Variants in MBTD1 observed in about 807,000 individuals in gnomAD.
The protein encoded by MBTD1 is mbt domain containing 1, also known as MBT domain-containing protein 1.
MBTD1 carries 24 observed loss-of-function variants against 87.8 expected under a neutral mutation model. That is an observed-to-expected ratio of 0.27 (90% CI 0.20 to 0.38). The LOEUF is 0.38. Among genes scored for constraint, MBTD1 ranks in the 10% least tolerant of loss-of-function variants. The probability of loss-of-function intolerance (pLI) is 1.00; values close to 1 mark genes in which losing one functional copy is unlikely to be tolerated. For synonymous variants in MBTD1, 237 were observed against 248.6 expected (o/e 0.95, Z 0.44); for missense variants, 436 against 760.2 (o/e 0.57, Z 5.02).
chr17:51,238,075 T>C (rs548439903), intron 2 of MBTD1, among the ~76,000 whole-genome samples: 167 of 152,258 alleles, frequency 1.1e-3, no homozygotes, highest in Non-Finnish European at 2.0e-3. Flanking sequence ...GATCAGTAAT[T>C]ACCTGGGGAT....
intron 16 of MBTD1, among the ~76,000 whole-genome samples, chr17:51,188,821 G>T (rs1309279890): frequency 6.8e-6 from 1 of 147,252 alleles, no homozygotes; most frequent in Non-Finnish European, 1.5e-5. Context: ...GTGCAATGGC[G>T]CGATCTCGGC....
intron 12 of MBTD1, among the ~76,000 whole-genome samples, chr17:51,199,452 T>A (rs184317723): frequency 4.6e-4 from 70 of 150,824 alleles, no homozygotes; most frequent in East Asian, 9.8e-4. Flanking sequence ...TTTAAAAAAA[T>A]TTTTTTTTTG....
chr17:51,228,505 AC>A (rs1190875135), intron 2 of MBTD1, among the ~76,000 whole-genome samples: 8 of 151,050 alleles, frequency 5.3e-5, no homozygotes, highest in Non-Finnish European at 8.9e-5. Flanking sequence ...AAAAAAAAAA[AC>A]AAGACAAAAC....
rs1568135782 is a variant in MBTD1, at chr17:51,179,500, A to ATATATATTTATATATATATATT, written c.*1075_*1076insAATATATATATATAAATATATA. On this transcript the variant is annotated 3_prime_UTR_variant, in exon 17 of 17. Coordinates refer to ENST00000586178, the MANE Select transcript of MBTD1 (RefSeq NM_017643.3). The stretch of plus-strand genomic sequence containing the variant: ...AAGACAATTTTATATATATATATAT[A>ATATATATTTATATATATATATT]TATATATATATATATATATATATAT... The ATATATATTTATATATATATATT allele has an allele frequency of 1.7e-5, 1 of 58,530 alleles. No individual in the cohort carries two copies. The highest frequency in any genetic ancestry group is 3.3e-5 in the Non-Finnish European group (1 of 30,222). The allele number at this position is 58,530 out of a possible 1,614,324, so 3.6% of individuals were successfully genotyped here.
intron 6 of MBTD1, among the ~76,000 whole-genome samples, chr17:51,216,440 T>C (rs1019217323): frequency 2.1e-4 from 32 of 152,190 alleles, no homozygotes; most frequent in Admixed American, 1.4e-3. Flanking sequence ...AGATAAATTT[T>C]AAACATAATT....
intron 13 of MBTD1, 109 bp downstream of exon 13, chr17:51,195,105 C>T (rs1386642160): frequency 1.1e-6 from 1 of 896,092 alleles, no homozygotes; most frequent in Non-Finnish European, 1.7e-6. Context: ...TATCCACACA[C>T]ATTATATACG....
intron 9 of MBTD1, 74 bp downstream of exon 9, chr17:51,203,066 C>T (rs2051586454): frequency 3.8e-6 from 5 of 1,331,842 alleles, no homozygotes; most frequent in Non-Finnish European, 5.3e-6. Context: ...AAAATTAAAC[C>T]AATTCCTTAA....
rs1555673641 is a variant in MBTD1, at chr17:51,179,482, T to TATATATATATA, written c.*1093_*1094insTATATATATAT. ...AAATCCTGAATACAATTAAAGACAA[T>TATATATATATA]TTTATATATATATATATATATATAT... On this transcript the variant is annotated 3_prime_UTR_variant, in exon 17 of 17. Coordinates refer to ENST00000586178, the MANE Select transcript of MBTD1 (RefSeq NM_017643.3). 3.2e-5 allele frequency: 1 copy of TATATATATATA among 31,640 alleles called. No homozygotes were observed. The highest frequency in any genetic ancestry group is 4.5e-4 in the Admixed American group (1 of 2,204). 2.0% of individuals were successfully genotyped at this position (31,640 alleles called of 1,614,324 possible).
intron 1 of MBTD1, among the ~76,000 whole-genome samples, chr17:51,259,432 A>C (rs9889777): frequency 0.65 from 98,646 of 151,834 alleles, 32,698 homozygotes; most frequent in African/African-American, 0.79. Flanking sequence ...CTGCAAAGCA[A>C]CGAAACTGTG....
At chr17:51,237,257 T>C (rs1311051347) in intron 2 of MBTD1, among the ~76,000 whole-genome samples, 3 of 146,148 alleles carry the variant, frequency 2.1e-5, no homozygotes, top group African/African-American at 5.2e-5. Context: ...GATCGTGCCA[T>C]TGCACTCCAG....
intron 15 of MBTD1, 80 bp from the exon 16 acceptor site, chr17:51,192,360 T>C: frequency 3.1e-6 from 3 of 969,768 alleles, no homozygotes; most frequent in South Asian, 1.4e-5. Context: ...ACAACTTATA[T>C]GAACTATCTT....
At chr17:51,248,465 G>C (rs564592196) in intron 2 of MBTD1, among the ~76,000 whole-genome samples, 2 of 152,158 alleles carry the variant, frequency 1.3e-5, no homozygotes, top group South Asian at 2.1e-4. Flanking sequence ...AAAAATTAAG[G>C]CATACTGTTG....
At chr17:51,251,400 C>T (rs1472187336) in intron 2 of MBTD1, 1 of 152,184 alleles carries the variant, frequency 6.6e-6, no homozygotes, top group Non-Finnish European at 1.5e-5. Context: ...TGAGGCAATG[C>T]TTATAATTTA....
chr17:51,245,392 TA>T lies in MBTD1; in HGVS notation c.-49+13750del, dbSNP rs771774569. On this transcript the variant is annotated intron_variant, in intron 2 of 16. Transcript: ENST00000586178. Reference sequence around the variant, plus strand: ...CCCCATACATTTAAAATATCTGAGATAGCAAAATGTATCAGTATTTTATTTC... The same window carrying T: ...CCCCATACATTTAAAATATCTGAGATGCAAAATGTATCAGTATTTTATTTC... Among the ~76,000 whole-genome samples the T allele has an allele frequency of 5.9e-5, 9 of 152,206 alleles. No homozygotes were observed. The East Asian group carries it at 1.3e-3, about 23-fold the overall frequency.
intron 6 of MBTD1, among the ~76,000 whole-genome samples, chr17:51,216,733 A>C (rs1304414359): frequency 2.0e-5 from 3 of 152,212 alleles, no homozygotes; most frequent in Non-Finnish European, 4.4e-5. Context: ...TTTGATATAC[A>C]ATACTAGCAA....
intron 2 of MBTD1, among the ~76,000 whole-genome samples, chr17:51,247,912 T>C (rs1301891145): frequency 1.3e-5 from 2 of 152,222 alleles, no homozygotes; most frequent in African/African-American, 4.8e-5. Flanking sequence ...GGAAAATTGG[T>C]CTTATTTTCT....
At chr17:51,258,008 C>T (rs1269746333) in intron 2 of MBTD1, among the ~76,000 whole-genome samples, 1 of 137,000 alleles carries the variant, frequency 7.3e-6, no homozygotes, top group Non-Finnish European at 1.6e-5. Context: ...GGAGGTGGTG[C>T]AAAAAAAAAA....
chr17:51,206,821 T>A (rs76727403), intron 7 of MBTD1, 67 bp downstream of exon 7: 31,964 of 1,116,884 alleles, frequency 0.029, 598 homozygotes, highest in Middle Eastern at 0.065. Flanking sequence ...TTTATAAACA[T>A]GCTTTTTTTA....
intron 2 of MBTD1, among the ~76,000 whole-genome samples, chr17:51,229,660 C>CA (rs2053442283): frequency 8.5e-6 from 1 of 117,800 alleles, no homozygotes. Context: ...TTTTAGTATA[C>CA]TTTTTTTTTT....
Sources: gnomAD v4.1 joint callset for allele counts (sites outside exome capture counted in the v4.1 genomes callset) on GRCh38, gnomAD v4.1.1 for gene constraint, MANE v1.5 for transcripts, NCBI Gene and HGNC (gene_info 2026-07-23, HGNC 2026-07-21) for gene names.